Variants in B3GALT1 observed in about 807,000 individuals in gnomAD.
The protein encoded by B3GALT1 is UDP-Gal:betaGlcNAc beta 1,3-galactosyltransferase, polypeptide 1.
Under a neutral mutation model 23.2 loss-of-function variants are expected in B3GALT1, and 10 were observed. The ratio of observed to expected loss-of-function variants is 0.43; its 90% CI spans 0.27 to 0.73. The LOEUF (loss-of-function observed/expected upper bound fraction) is 0.73, where lower values mean the gene tolerates loss of function less well. B3GALT1 is among the 30% of genes least tolerant of loss of function. The probability of loss-of-function intolerance (pLI) is 0.21; values close to 1 mark genes in which losing one functional copy is unlikely to be tolerated. For synonymous variants in B3GALT1, 156 were observed against 141.5 expected, an observed-to-expected ratio of 1.10 and a Z score of -0.73; for missense variants, 299 against 405.4, an observed-to-expected ratio of 0.74 and a Z score of 2.25.
intron 2 of B3GALT1, among the ~76,000 whole-genome samples, chr2:167,566,266 C>G (rs1443686288): frequency 6.6e-6 from 1 of 151,930 alleles, no homozygotes; most frequent in African/African-American, 2.4e-5. Flanking sequence ...AAACCAAACA[C>G]CGCATGTTCT....
At chr2:167,330,333 A>C (rs1696953684) in intron 1 of B3GALT1, among the ~76,000 whole-genome samples, 1 of 152,142 alleles carries the variant, frequency 6.6e-6, no homozygotes, top group Non-Finnish European at 1.5e-5. Flanking sequence ...GTGGCCAGGC[A>C]CAGTGACTCA....
At chr2:167,671,829 GA>G (rs1391435409) in intron 3 of B3GALT1, among the ~76,000 whole-genome samples, 1 of 151,956 alleles carries the variant, frequency 6.6e-6, no homozygotes, top group Non-Finnish European at 1.5e-5. Flanking sequence ...AAATAAAAAT[GA>G]TTGACAAAAC....
chr2:167,699,999 C>T (rs540660012), intron 3 of B3GALT1, among the ~76,000 whole-genome samples: 2 of 152,332 alleles, frequency 1.3e-5, no homozygotes, highest in Non-Finnish European at 2.9e-5. Context: ...AGGCGTGAGC[C>T]ACCATGCGCA....
intron 3 of B3GALT1, among the ~76,000 whole-genome samples, chr2:167,655,054 C>T (rs1201675420): frequency 6.6e-6 from 1 of 152,192 alleles, no homozygotes; most frequent in Non-Finnish European, 1.5e-5. Flanking sequence ...TGGAACTACA[C>T]TTCTCCTTAG....
At chr2:167,308,020 A>T (rs1696576195) in intron 1 of B3GALT1, among the ~76,000 whole-genome samples, 1 of 152,076 alleles carries the variant, frequency 6.6e-6, no homozygotes, top group Non-Finnish European at 1.5e-5. Flanking sequence ...TTGCTATCCC[A>T]TCAAGCATTT....
At chr2:167,431,268 T>C (rs1698700831) in intron 1 of B3GALT1, among the ~76,000 whole-genome samples, 3 of 152,230 alleles carry the variant, frequency 2.0e-5, no homozygotes, top group Admixed American at 6.5e-5. Context: ...GCCCTGAAAT[T>C]CTTTTCCATG....
chr2:167,826,062 C>G (rs1047659369), intron 4 of B3GALT1, among the ~76,000 whole-genome samples: 5 of 152,152 alleles, frequency 3.3e-5, no homozygotes, highest in African/African-American at 1.2e-4. Flanking sequence ...CAATTTCCCT[C>G]AAATGGGCTT....
rs1343993590 is a variant in B3GALT1, at chr2:167,510,420, T to G, written c.-410+20143T>G. Among the ~76,000 whole-genome samples the G allele has an allele frequency of 4.0e-5, 6 of 151,286 alleles. 1 individual carries two copies. The highest frequency in any genetic ancestry group is 8.9e-5 in the Non-Finnish European group (6 of 67,766). ...ATTGCAAGTTTTGTTTTTTTTTTTTTTTTTTTCCAGCCTAAGTTATCCTAG... is the reference window on the plus strand; with the variant it reads ...ATTGCAAGTTTTGTTTTTTTTTTTTGTTTTTTCCAGCCTAAGTTATCCTAG... On this transcript the variant is annotated intron_variant, in intron 2 of 4. Coordinates refer to ENST00000392690, the MANE Select transcript of B3GALT1 (RefSeq NM_020981.4).
intron 3 of B3GALT1, among the ~76,000 whole-genome samples, chr2:167,709,001 A>G (rs1421436837): frequency 1.3e-5 from 2 of 152,154 alleles, no homozygotes; most frequent in Admixed American, 1.3e-4. Flanking sequence ...ATATTTGGGG[A>G]ATTCTGTGAA....
chr2:167,416,944 A>G (rs1457378255), intron 1 of B3GALT1, among the ~76,000 whole-genome samples: 1 of 152,166 alleles, frequency 6.6e-6, no homozygotes, highest in Non-Finnish European at 1.5e-5. Flanking sequence ...CTATTATTGT[A>G]TCTTGAAAGT....
chr2:167,415,457 T>A (rs950888235), intron 1 of B3GALT1, among the ~76,000 whole-genome samples: 1 of 152,218 alleles, frequency 6.6e-6, no homozygotes, highest in African/African-American at 2.4e-5. Context: ...AATATTCTTT[T>A]ATAAATGATG....
intron 3 of B3GALT1, among the ~76,000 whole-genome samples, chr2:167,734,254 A>G (rs1272969918): frequency 1.3e-5 from 2 of 152,170 alleles, no homozygotes; most frequent in African/African-American, 4.8e-5. Flanking sequence ...GAGGAAGTAA[A>G]TGTATATTGG....
chr2:167,294,409 G>A (rs190389351), intron 1 of B3GALT1, among the ~76,000 whole-genome samples: 3 of 152,352 alleles, frequency 2.0e-5, no homozygotes, highest in Non-Finnish European at 4.4e-5. Context: ...TAAAGCTGTT[G>A]AGAGTTCCAC....
chr2:167,819,880 G>T (rs17832361), intron 4 of B3GALT1, among the ~76,000 whole-genome samples: 24,024 of 152,198 alleles, frequency 0.16, 2,426 homozygotes, highest in Non-Finnish European at 0.21. Flanking sequence ...TTTCTCTAAG[G>T]TTTCAGTTGA....
Position 167,662,181 on chromosome 2 carries a change from A to T in B3GALT1, c.-352+15215A>T, listed in dbSNP as rs565118082. Among the ~76,000 whole-genome samples the T allele has an allele frequency of 2.3e-3, 352 of 152,162 alleles. 2 individuals carry two copies. The highest frequency in any genetic ancestry group is 4.5e-3 in the Non-Finnish European group (304 of 67,986). ...ATAAAAATATTGTTATAATAACATT[A>T]TTGTTGCCCCATGAATGGTTTCCAT... On this transcript the variant is annotated intron_variant, in intron 3 of 4. Coordinates refer to ENST00000392690, the MANE Select transcript of B3GALT1 (RefSeq NM_020981.4).
chr2:167,582,774 G>A (rs1041237447), intron 2 of B3GALT1, among the ~76,000 whole-genome samples: 5 of 152,086 alleles, frequency 3.3e-5, no homozygotes, highest in Non-Finnish European at 5.9e-5. Context: ...ATTCTACAGC[G>A]ATGTGCTGCT....
At chr2:167,824,803 A>G (rs1689180420) in intron 4 of B3GALT1, among the ~76,000 whole-genome samples, 2 of 152,300 alleles carry the variant, frequency 1.3e-5, no homozygotes, top group African/African-American at 4.8e-5. Flanking sequence ...AGAAGTGGGG[A>G]ACCATGAAAG....
At chr2:167,742,132 T>A (rs1159387828) in intron 3 of B3GALT1, among the ~76,000 whole-genome samples, 3 of 152,072 alleles carry the variant, frequency 2.0e-5, no homozygotes, top group African/African-American at 7.2e-5. Flanking sequence ...AATTGAGGAG[T>A]CCTTACCGGA....
intron 3 of B3GALT1, among the ~76,000 whole-genome samples, chr2:167,810,691 T>C (rs1688869437): frequency 6.7e-6 from 1 of 148,210 alleles, no homozygotes. Context: ...GCCTCATAGA[T>C]CCCACTGCAT....
Sources: gnomAD v4.1 joint callset for allele counts (sites outside exome capture counted in the v4.1 genomes callset) on GRCh38, gnomAD v4.1.1 for gene constraint, MANE v1.5 for transcripts, NCBI Gene and HGNC (gene_info 2026-07-23, HGNC 2026-07-21) for gene names.